The following IDE variants were observed in gnomAD, a reference collection of about 807,000 sequenced individuals.
IDE encodes the protein insulin degrading enzyme, also known as insulin-degrading enzyme.
A neutral mutation model predicts 133.2 loss-of-function variants in IDE; 58 were observed. The observed-to-expected ratio is 0.44, with a 90% CI of 0.35 to 0.54. The LOEUF (loss-of-function observed/expected upper bound fraction) is 0.54, where lower values mean the gene tolerates loss of function less well. Among genes scored for constraint, IDE ranks in the 20% least tolerant of loss-of-function variants. The pLI is 0.00. For missense variants in IDE, 981 were observed against 1,234.0 expected, an observed-to-expected ratio of 0.79 and a Z score of 3.07; for synonymous variants, 396 against 421.3, an observed-to-expected ratio of 0.94 and a Z score of 0.73.
In IDE at chr10:92,573,060, G is replaced by A. The variant is rs202083458; in HGVS notation, c.98+862C>T. ...TGGCTATTACTGATTAAAACCAGCA[G>A]GGGTTCAAATAACGTTTCTAGGGAG... is the stretch of plus-strand genomic sequence containing the variant. On this transcript the variant is annotated intron_variant, in intron 1 of 24. Coordinates refer to ENST00000265986, the MANE Select transcript of IDE (RefSeq NM_004969.4). 23 of 985,422 alleles carry A rather than the reference G, an allele frequency of 2.3e-5. No individual in the cohort carries two copies. The East Asian group carries it at 1.0e-3, about 44-fold the overall frequency. The allele number at this position is 985,422 out of a possible 1,614,324, so 61.0% of individuals were successfully genotyped here.
chr10:92,572,969 T>C (rs1843861858), intron 1 of IDE: 6 of 985,306 alleles, frequency 6.1e-6, no homozygotes, highest in Non-Finnish European at 7.2e-6. Flanking sequence ...AAGTCAAAGT[T>C]CCTTGGAAGG....
chr10:92,569,450 T>G (rs1443508860), intron 1 of IDE, among the ~76,000 whole-genome samples: 1 of 152,210 alleles, frequency 6.6e-6, no homozygotes, highest in Non-Finnish European at 1.5e-5. Flanking sequence ...TCAGGTGAGA[T>G]AATCTCACTG....
Position 92,536,383 on chromosome 10 carries a change from CAAAAAAAAA to C in IDE, c.283+974_283+982del, listed in dbSNP as rs58280739. On this transcript the variant is annotated intron_variant, in intron 2 of 24. Coordinates refer to ENST00000265986, the MANE Select transcript of IDE (RefSeq NM_004969.4). ...GGACGACAACAGTGAAACTCCGTCTCAAAAAAAAAAAAAAAAAAGAAATGTGCACACAAG... is the reference window on the plus strand; with the variant it reads ...GGACGACAACAGTGAAACTCCGTCTCAAAAAAAAAGAAATGTGCACACAAG... Among the ~76,000 whole-genome samples, 4 of 54,856 alleles carry C rather than the reference CAAAAAAAAA, an allele frequency of 7.3e-5. No individual in the cohort carries two copies. The East Asian group carries it at 1.7e-3, about 23-fold the overall frequency. 36.0% of individuals were successfully genotyped at this position (54,856 alleles called of 152,430 possible). A position where few individuals can be genotyped will look rare whatever the true frequency, so the allele number is the denominator to read the frequency against.
In IDE at chr10:92,479,383, G is replaced by A; in HGVS notation, c.1778C>T (p.Ala593Val). 1.2e-6 allele frequency: 2 copies of A among 1,613,088 alleles called. No homozygotes were observed. Among genetic ancestry groups the A allele is most frequent in the Non-Finnish European group, 8.5e-7 (1 of 1,179,100 alleles). Residue 593 changes from alanine to valine, a missense_variant, in exon 15 of 25, where the codon GCC becomes GTC. By Grantham distance (64) the Ala-to-Val change is moderately conservative. Coordinates refer to ENST00000265986, the MANE Select transcript of IDE (RefSeq NM_004969.4). ...TTTGAGGAGCTCAAGGTACAAATAGGCCATGTTACAGTGCAAGGGGTCCAC... is the reference window on the plus strand; with the variant it reads ...TTTGAGGAGCTCAAGGTACAAATAGACCATGTTACAGTGCAAGGGGTCCAC... ...AYVDPLHCNM[A>V]YLYLELLKDS...
chr10:92,515,001 T>C lies in IDE; in HGVS notation c.703A>G (p.Ile235Val), dbSNP rs1848826432. ...TTCAGTAGCTCTTGTCTTACATCAA[T>C]GCCTTCTTGGTTTGGTCTAGTCTCC... ...TLETRPNQEGIDVRQELLKFH... is the reference protein window; with the variant it reads ...TLETRPNQEGVDVRQELLKFH... The change falls in exon 5 of 25, where the codon ATT (isoleucine) becomes GTT (valine). Residue 235 changes from isoleucine to valine, a missense_variant. This residue lies in a region of IDE where 321 missense variants were observed against 339.3 expected (regional missense o/e 0.95). Coordinates refer to ENST00000265986, the MANE Select transcript of IDE (RefSeq NM_004969.4). 2.5e-6 allele frequency: 4 copies of C among 1,611,350 alleles called. No individual in the cohort carries two copies. The East Asian group carries it at 8.9e-5, about 36-fold the overall frequency.
rs974082088 is a variant in IDE at position 92,557,622 on chromosome 10, C to T, written c.98+16300G>A. Among the ~76,000 whole-genome samples, 14 of 150,900 alleles carry T rather than the reference C, an allele frequency of 9.3e-5. No homozygotes were observed. The East Asian group carries it at 2.0e-3, about 21-fold the overall frequency. On this transcript the variant is annotated intron_variant, in intron 1 of 24. Transcript: ENST00000265986. ...ATTTATTTTTGAAAAGGATGATGGC[C>T]GGGCATGTTGTAATCCCAGCACTTT...
chr10:92,508,097 G>T lies in IDE; in HGVS notation c.1153+16C>A. On this transcript the variant is annotated intron_variant, in intron 8 of 24. Transcript: ENST00000265986. ...TAAATTTTCATTCAAAAGTAAAAAG[G>T]TGAATCAATACTTACATAATCCTTC... 1 of 1,545,748 alleles carries T rather than the reference G, an allele frequency of 6.5e-7. No homozygotes were observed. Among genetic ancestry groups the T allele is most frequent in the Non-Finnish European group, 8.9e-7 (1 of 1,123,488 alleles).
chr10:92,456,747 G>A (rs1845030079), intron 22 of IDE, among the ~76,000 whole-genome samples: 1 of 150,134 alleles, frequency 6.7e-6, no homozygotes, highest in Admixed American at 6.7e-5. Context: ...GCTGAGGTGG[G>A]AGGATTGCCT....
chr10:92,490,604 AG>A lies in IDE; in HGVS notation c.1431-10del. The A allele has an allele frequency of 1.9e-6, 3 of 1,555,516 alleles. No individual in the cohort carries two copies. The highest frequency in any genetic ancestry group is 2.7e-6 in the Non-Finnish European group (3 of 1,130,988). On this transcript the variant is annotated splice_polypyrimidine_tract_variant and intron_variant, in intron 11 of 24. Transcript: ENST00000265986. ...TAGAAACTATGGCAACCCTAGAGATAGAAAAAACAAACAAAAAAACCCTGTA... is the reference window on the plus strand; with the variant it reads ...TAGAAACTATGGCAACCCTAGAGATAAAAAAACAAACAAAAAAACCCTGTA...
intron 1 of IDE, among the ~76,000 whole-genome samples, chr10:92,567,216 C>T (rs1230138827): frequency 6.6e-6 from 1 of 152,168 alleles, no homozygotes; most frequent in Non-Finnish European, 1.5e-5. Flanking sequence ...TTTGGAAAAC[C>T]TGCCACCTGC....
chr10:92,473,992 A>C (rs549466445), intron 17 of IDE, among the ~76,000 whole-genome samples: 2 of 152,192 alleles, frequency 1.3e-5, no homozygotes, highest in Admixed American at 6.5e-5. Context: ...AAAAAAAAAA[A>C]CACCAAATAA....
chr10:92,481,872 A>G (rs1846634802), intron 14 of IDE, among the ~76,000 whole-genome samples: 1 of 152,228 alleles, frequency 6.6e-6, no homozygotes, highest in South Asian at 2.1e-4. Context: ...ATTCATCATC[A>G]TAGAGGCCAA....
intron 11 of IDE, among the ~76,000 whole-genome samples, chr10:92,498,277 A>G (rs1304385040): frequency 2.0e-5 from 3 of 152,240 alleles, no homozygotes; most frequent in Admixed American, 2.0e-4. Flanking sequence ...TCTCATGACT[A>G]GTAGTAGGTG....
chr10:92,542,401 C>T (rs557767616), intron 1 of IDE, among the ~76,000 whole-genome samples: 2 of 152,362 alleles, frequency 1.3e-5, no homozygotes, highest in South Asian at 2.1e-4. Flanking sequence ...GCAATCCACC[C>T]GCCTTGGCCT....
At chr10:92,511,594 A>G (rs1464138084) in intron 5 of IDE, among the ~76,000 whole-genome samples, 2 of 152,162 alleles carry the variant, frequency 1.3e-5, no homozygotes, top group African/African-American at 4.8e-5. Context: ...GTACTAAATG[A>G]CTATTTGAGA....
chr10:92,524,442 ATATTTT>A lies in IDE; in HGVS notation c.661+7300_661+7305del, dbSNP rs1849461114. 1.6e-4 allele frequency among the ~76,000 whole-genome samples: 3 copies of A among 18,230 alleles called. 1 individual carries two copies. The highest frequency in any genetic ancestry group is 1.1e-3 in the African/African-American group (3 of 2,846). The allele number at this position is 18,230 out of a possible 152,430, so 12.0% of individuals were successfully genotyped here. ...TTATATATAATATATTTTATATAATATATTTTATATATTATATATTTTATATAATAT... is the reference window on the plus strand; with the variant it reads ...TTATATATAATATATTTTATATAATAATATATTATATATTTTATATAATAT... On this transcript the variant is annotated intron_variant, in intron 4 of 24. Transcript: ENST00000265986.
chr10:92,560,300 A>G (rs979781526), intron 1 of IDE, among the ~76,000 whole-genome samples: 3 of 152,184 alleles, frequency 2.0e-5, no homozygotes, highest in African/African-American at 7.2e-5. Flanking sequence ...CCCAGTGTCA[A>G]CGTTCCTATC....
chr10:92,547,084 T>C (rs1277028988), intron 1 of IDE, among the ~76,000 whole-genome samples: 1 of 152,040 alleles, frequency 6.6e-6, no homozygotes, highest in Non-Finnish European at 1.5e-5. Context: ...GTTTTCTTCT[T>C]CTTCTTCTTT....
intron 1 of IDE, among the ~76,000 whole-genome samples, chr10:92,551,959 G>A (rs1009555676): frequency 3.3e-5 from 5 of 152,098 alleles, no homozygotes; most frequent in African/African-American, 1.2e-4. Context: ...AACATAGTCA[G>A]ACCCCATCTA....
Sources: gnomAD v4.1 joint callset for allele counts (sites outside exome capture counted in the v4.1 genomes callset) on GRCh38, gnomAD v4.1.1 for gene constraint, gnomAD v4.1.1 regional missense constraint, MANE v1.5 for transcripts, NCBI Gene and HGNC (gene_info 2026-07-23, HGNC 2026-07-21) for gene names.